The following CEP85L variants were observed in gnomAD, a reference collection of about 807,000 sequenced individuals.
CEP85L encodes centrosomal protein 85L.
In CEP85L, 60 loss-of-function variants were observed where a neutral mutation model predicts 100.3. The observed-to-expected ratio is 0.60, with a 90% CI of 0.49 to 0.74. CEP85L has a LOEUF of 0.74. Ranked by LOEUF, CEP85L falls within the 30% of genes least tolerant of loss-of-function variation. The pLI, the probability that CEP85L is intolerant of heterozygous loss-of-function variation, is 0.00. For synonymous variants in CEP85L, 319 were observed against 322.7 expected, an observed-to-expected ratio of 0.99 and a Z score of 0.12; for missense variants, 973 against 936.2, an observed-to-expected ratio of 1.04 and a Z score of -0.51.
intron 5 of CEP85L, among the ~76,000 whole-genome samples, chr6:118,492,965 C>T (rs1002792596): frequency 6.6e-6 from 1 of 152,234 alleles, no homozygotes; most frequent in East Asian, 1.9e-4. Flanking sequence ...TCAAAGATGG[C>T]AGACTCACCC....
At chr6:118,521,188 C>T (rs1034759930) in intron 4 of CEP85L, among the ~76,000 whole-genome samples, 4 of 152,164 alleles carry the variant, frequency 2.6e-5, no homozygotes, top group African/African-American at 9.7e-5. Flanking sequence ...ACACCAAATC[C>T]CATGAAGTCT....
intron 1 of CEP85L, among the ~76,000 whole-genome samples, chr6:118,658,415 A>G (rs1025392525): frequency 1.3e-5 from 2 of 152,184 alleles, no homozygotes; most frequent in African/African-American, 2.4e-5. Context: ...TAACCAGTAT[A>G]AAATAGCTAT....
At chr6:118,551,982 C>G (rs1778576604) in intron 3 of CEP85L, among the ~76,000 whole-genome samples, 1 of 151,952 alleles carries the variant, frequency 6.6e-6, no homozygotes, top group Non-Finnish European at 1.5e-5. Flanking sequence ...TCACTTATGG[C>G]TTATCAGTGG....
chr6:118,509,705 C>T (rs1422810174), intron 5 of CEP85L, among the ~76,000 whole-genome samples: 1 of 152,000 alleles, frequency 6.6e-6, no homozygotes, highest in Non-Finnish European at 1.5e-5. Flanking sequence ...ACAACAATAA[C>T]AACATCCACA....
At chr6:118,621,794 AG>A (rs1562316657) in intron 2 of CEP85L, among the ~76,000 whole-genome samples, 1 of 152,224 alleles carries the variant, frequency 6.6e-6, no homozygotes, top group East Asian at 1.9e-4. Context: ...AAACAGTTGC[AG>A]GGATTCCTTG....
chr6:118,663,802 A>G (rs1776045717), intron 1 of CEP85L, among the ~76,000 whole-genome samples: 2 of 152,216 alleles, frequency 1.3e-5, no homozygotes, highest in Non-Finnish European at 1.5e-5. Flanking sequence ...CACATCCTCC[A>G]GTATATTTAA....
chr6:118,620,307 T>C (rs1458009679), intron 2 of CEP85L, among the ~76,000 whole-genome samples: 3 of 152,126 alleles, frequency 2.0e-5, no homozygotes, highest in Non-Finnish European at 4.4e-5. Context: ...CTTGGTGTTC[T>C]ATAAAATGGA....
At chr6:118,687,746 T>C (rs1776882690) in intron 1 of CEP85L, among the ~76,000 whole-genome samples, 1 of 152,196 alleles carries the variant, frequency 6.6e-6, no homozygotes, top group Admixed American at 6.5e-5. Flanking sequence ...GCTGAGCTTT[T>C]GCTCGCCGTC....
intron 5 of CEP85L, chr6:118,501,902 A>G (rs545583777): frequency 1.7e-6 from 2 of 1,162,188 alleles, no homozygotes; most frequent in East Asian, 4.8e-5. Flanking sequence ...AGACAAAGAT[A>G]TGCTTTTAAG....
chr6:118,465,240 A>C lies in CEP85L; in HGVS notation c.*165T>G. 1.8e-6 allele frequency: 1 copy of C among 545,438 alleles called. No homozygotes were observed. The allele number at this position is 545,438 out of a possible 1,614,324, so 33.8% of individuals were successfully genotyped here. A position where few individuals can be genotyped will look rare whatever the true frequency, so the allele number is the denominator to read the frequency against. On this transcript the variant is annotated 3_prime_UTR_variant, in exon 13 of 13. Coordinates refer to ENST00000368491, the MANE Select transcript of CEP85L (RefSeq NM_001042475.3). ...TTTTTTCTTTTTGCCTGATTAGATAAGCCCCTTCAAAATCTCTTCACTTCC... is the reference window on the plus strand; with the variant it reads ...TTTTTTCTTTTTGCCTGATTAGATACGCCCCTTCAAAATCTCTTCACTTCC...
chr6:118,694,573 CAT>C (rs1182731165), intron 1 of CEP85L, among the ~76,000 whole-genome samples: 1 of 152,194 alleles, frequency 6.6e-6, no homozygotes, highest in East Asian at 1.9e-4. Context: ...AGAAGAGTGA[CAT>C]GTGATGGAAA....
At chr6:118,684,842 A>T (rs1415725579) in intron 1 of CEP85L, among the ~76,000 whole-genome samples, 1 of 152,150 alleles carries the variant, frequency 6.6e-6, no homozygotes, top group Non-Finnish European at 1.5e-5. Context: ...TTTAGAGACA[A>T]GATCTCACTA....
At position 118,480,411 on chromosome 6, in the gene CEP85L, A is replaced by G. The variant is rs753953717; in HGVS notation, c.1848T>C (p.Asn616=). The change falls in exon 9 of 13, where the codon AAT becomes AAC. Residue 616 remains asparagine, a synonymous_variant. Coordinates refer to ENST00000368491, the MANE Select transcript of CEP85L (RefSeq NM_001042475.3). ...ATCTACTGACCTTACTAGCAGTCTC[A>G]TTTTGTTGTCTGAGATTATCATTTT... ...QNENDNLRQQ[N]ETASKIIDSQ... 4.9e-5 allele frequency: 78 copies of G among 1,606,346 alleles called. No individual in the cohort carries two copies. Among genetic ancestry groups the G allele is most frequent in the Admixed American group, 3.3e-4 (20 of 59,910 alleles).
intron 6 of CEP85L, among the ~76,000 whole-genome samples, chr6:118,491,239 A>ACACACACG (rs55963304): frequency 8.1e-6 from 1 of 122,702 alleles, no homozygotes; most frequent in Non-Finnish European, 1.7e-5. Context: ...ACACACACAC[A>ACACACACG]TATGCATGCA....
chr6:118,680,069 T>C (rs1776600353), intron 1 of CEP85L, among the ~76,000 whole-genome samples: 1 of 151,476 alleles, frequency 6.6e-6, no homozygotes, highest in Non-Finnish European at 1.5e-5. Flanking sequence ...GAGAATCACT[T>C]GAGGCCAGGA....
intron 6 of CEP85L, 108 bp downstream of exon 6, chr6:118,491,578 A>G: frequency 2.0e-6 from 3 of 1,472,132 alleles, no homozygotes; most frequent in South Asian, 2.9e-5. Flanking sequence ...ACCTCCACAT[A>G]AATGTATACA....
intron 1 of CEP85L, among the ~76,000 whole-genome samples, chr6:118,661,133 C>G (rs956077731): frequency 2.0e-5 from 3 of 152,158 alleles, no homozygotes; most frequent in African/African-American, 7.2e-5. Context: ...TATCTGCCCA[C>G]CTCAGCCTCC....
intron 3 of CEP85L, among the ~76,000 whole-genome samples, chr6:118,557,031 A>G (rs1420535193): frequency 1.3e-5 from 2 of 152,168 alleles, no homozygotes; most frequent in Non-Finnish European, 2.9e-5. Context: ...TGTAAATAGG[A>G]TATGTCTGTG....
At chr6:118,552,479 T>C (rs1178880242) in intron 3 of CEP85L, among the ~76,000 whole-genome samples, 3 of 152,058 alleles carry the variant, frequency 2.0e-5, no homozygotes, top group Non-Finnish European at 4.4e-5. Flanking sequence ...ATTACATTGC[T>C]AAAACAGGAC....
Sources: gnomAD v4.1 joint callset for allele counts (sites outside exome capture counted in the v4.1 genomes callset) on GRCh38, gnomAD v4.1.1 for gene constraint, MANE v1.5 for transcripts, NCBI Gene and HGNC (gene_info 2026-07-23, HGNC 2026-07-21) for gene names.